Variants in MSRA observed in about 807,000 individuals in gnomAD.
MSRA encodes mitochondrial peptide methionine sulfoxide reductase.
Under a neutral mutation model 31.3 loss-of-function variants are expected in MSRA, and 54 were observed. The observed-to-expected ratio is 1.73, with a 90% CI of 1.39 to 2.17. The LOEUF is 2.17. MSRA is among the 30% of genes most tolerant of loss of function. The pLI, the probability that MSRA is intolerant of heterozygous loss-of-function variation, is 0.00. For missense variants in MSRA, 507 were observed against 300.9 expected (o/e 1.69, Z -5.07); for synonymous variants, 169 against 116.5 (o/e 1.45, Z -2.90).
At chr8:10,161,503 A>T (rs1381676590) in intron 1 of MSRA, among the ~76,000 whole-genome samples, 1 of 152,200 alleles carries the variant, frequency 6.6e-6, no homozygotes, top group African/African-American at 2.4e-5. Flanking sequence ...GGTGTGAAGA[A>T]GAAGGAAAAA....
chr8:10,408,965 C>G, intron 5 of MSRA, among the ~76,000 whole-genome samples: 1 of 152,192 alleles, frequency 6.6e-6, no homozygotes, highest in African/African-American at 2.4e-5. Context: ...TTCCGTTCAT[C>G]TGTTGAAGGA....
At chr8:10,255,760 G>A (rs1402608763) in intron 3 of MSRA, among the ~76,000 whole-genome samples, 2 of 151,814 alleles carry the variant, frequency 1.3e-5, no homozygotes, top group African/African-American at 2.4e-5. Context: ...GGCTGGAGTG[G>A]GGCGGTGGGC....
chr8:10,161,252 T>G (rs1411632493), intron 1 of MSRA, among the ~76,000 whole-genome samples: 1 of 152,180 alleles, frequency 6.6e-6, no homozygotes, highest in African/African-American at 2.4e-5. Flanking sequence ...ATTTATATAA[T>G]TAAATATCAT....
intron 1 of MSRA, among the ~76,000 whole-genome samples, chr8:10,189,870 T>C (rs1403575645): frequency 6.6e-6 from 1 of 152,210 alleles, no homozygotes; most frequent in Non-Finnish European, 1.5e-5. Context: ...CTTCCTCTTT[T>C]TTCAAGGCGT....
At chr8:10,305,551 T>C (rs1801089292) in intron 4 of MSRA, among the ~76,000 whole-genome samples, 1 of 152,026 alleles carries the variant, frequency 6.6e-6, no homozygotes, top group Non-Finnish European at 1.5e-5. Context: ...GTAGCTTGGA[T>C]TACAGGCATC....
intron 5 of MSRA, among the ~76,000 whole-genome samples, chr8:10,351,024 C>A (rs935897700): frequency 1.3e-5 from 2 of 152,230 alleles, no homozygotes; most frequent in African/African-American, 4.8e-5. Flanking sequence ...GCTGCTCCCC[C>A]AGAATTGACT....
At chr8:10,391,418 C>G (rs1447292496) in intron 5 of MSRA, among the ~76,000 whole-genome samples, 1 of 152,180 alleles carries the variant, frequency 6.6e-6, no homozygotes, top group African/African-American at 2.4e-5. Context: ...AAATGTCTAG[C>G]ACACTGTCTG....
intron 1 of MSRA, among the ~76,000 whole-genome samples, chr8:10,205,550 G>A (rs1218653966): frequency 6.6e-6 from 1 of 152,118 alleles, no homozygotes; most frequent in Non-Finnish European, 1.5e-5. Flanking sequence ...GAACATGTGG[G>A]TTTCAGCTGG....
intron 3 of MSRA, among the ~76,000 whole-genome samples, chr8:10,273,971 G>C (rs562847904): frequency 8.5e-5 from 13 of 152,274 alleles, no homozygotes; most frequent in African/African-American, 3.1e-4. Flanking sequence ...GAGGATAGGA[G>C]AGAGTTGTAC....
intron 1 of MSRA, among the ~76,000 whole-genome samples, chr8:10,140,792 CA>C (rs1802638165): frequency 6.6e-6 from 1 of 151,918 alleles, no homozygotes; most frequent in Non-Finnish European, 1.5e-5. Flanking sequence ...AAAATAAGAA[CA>C]GGGACATAAA....
chr8:10,356,642 A>G (rs1355957498), intron 5 of MSRA, among the ~76,000 whole-genome samples: 1 of 152,178 alleles, frequency 6.6e-6, no homozygotes, highest in Non-Finnish European at 1.5e-5. Flanking sequence ...AGCCCTGATA[A>G]ATAGGATGAG....
intron 1 of MSRA, among the ~76,000 whole-genome samples, chr8:10,173,301 A>ATT (rs1431703203): frequency 6.6e-6 from 1 of 152,252 alleles, no homozygotes; most frequent in Non-Finnish European, 1.5e-5. Context: ...AAGATGAAAA[A>ATT]TTGTGTCAGC....
At chr8:10,126,369 C>A (rs969081724) in intron 1 of MSRA, among the ~76,000 whole-genome samples, 1 of 152,122 alleles carries the variant, frequency 6.6e-6, no homozygotes, top group South Asian at 2.1e-4. Context: ...AAAATTTCAT[C>A]CTCTAGAACA....
At chr8:10,173,066 A>G (rs1014291771) in intron 1 of MSRA, among the ~76,000 whole-genome samples, 3 of 152,268 alleles carry the variant, frequency 2.0e-5, no homozygotes, top group African/African-American at 7.2e-5. Flanking sequence ...CATTTAAAAT[A>G]GCACACTTCT....
intron 2 of MSRA, among the ~76,000 whole-genome samples, chr8:10,234,441 C>T (rs906427095): frequency 1.3e-5 from 2 of 151,568 alleles, no homozygotes; most frequent in Non-Finnish European, 2.9e-5. Flanking sequence ...TAAGGGTAAA[C>T]ACTAGAAGAA....
chr8:10,073,958 C>T (rs753191531), intron 1 of MSRA, among the ~76,000 whole-genome samples: 1 of 148,666 alleles, frequency 6.7e-6, no homozygotes, highest in Admixed American at 6.7e-5. Flanking sequence ...TACATGACTT[C>T]ACTGATCTCT....
chr8:10,128,890 A>AT lies in MSRA; in HGVS notation c.142+74238dup, dbSNP rs751462742. 5.3e-4 allele frequency among the ~76,000 whole-genome samples: 81 copies of AT among 152,250 alleles called. 1 individual carries two copies. Among genetic ancestry groups the AT allele is most frequent in the African/African-American group, 1.7e-3 (71 of 41,546 alleles). On this transcript the variant is annotated intron_variant, in intron 1 of 5. Coordinates refer to ENST00000317173, the MANE Select transcript of MSRA (RefSeq NM_012331.5). ...AAGCTTGTTATTATATATTAGGTTG[A>AT]TTTTTTCCAGGAGAGGAGTTTAGGA...
At chr8:10,300,290 C>G (rs914890931) in intron 3 of MSRA, among the ~76,000 whole-genome samples, 2 of 151,994 alleles carry the variant, frequency 1.3e-5, no homozygotes, top group Non-Finnish European at 2.9e-5. Flanking sequence ...GAGTCTCACC[C>G]TGTTGCCAAG....
At chr8:10,423,261 A>G (rs1808922866) in intron 5 of MSRA, among the ~76,000 whole-genome samples, 3 of 152,192 alleles carry the variant, frequency 2.0e-5, no homozygotes, top group Non-Finnish European at 4.4e-5. Flanking sequence ...GAGAGGCAGT[A>G]AAACCGAGAT....
Sources: gnomAD v4.1 joint callset for allele counts (sites outside exome capture counted in the v4.1 genomes callset) on GRCh38, gnomAD v4.1.1 for gene constraint, MANE v1.5 for transcripts, NCBI Gene and HGNC (gene_info 2026-07-23, HGNC 2026-07-21) for gene names.